DTWD2: variants seen among roughly 807,000 people sequenced by gnomAD.
The protein encoded by DTWD2 is tRNA-uridine aminocarboxypropyltransferase 2.
In DTWD2, 39 loss-of-function variants were observed where a neutral mutation model predicts 31.8. That is an observed-to-expected ratio of 1.22 (90% CI 0.95 to 1.60). The LOEUF is 1.60. DTWD2 is among the 40% of genes most tolerant of loss of function. The probability of loss-of-function intolerance (pLI) is 0.00; values close to 1 mark genes in which losing one functional copy is unlikely to be tolerated. For missense variants in DTWD2, 515 were observed against 381.5 expected, an observed-to-expected ratio of 1.35 and a Z score of -2.92; for synonymous variants, 180 against 142.8, an observed-to-expected ratio of 1.26 and a Z score of -1.86.
At chr5:118,872,712 A>G (rs766783126) in intron 4 of DTWD2, among the ~76,000 whole-genome samples, 1 of 152,246 alleles carries the variant, frequency 6.6e-6, no homozygotes, top group Non-Finnish European at 1.5e-5. Flanking sequence ...AAAGTTTGAA[A>G]CATTGTAAGA....
intron 4 of DTWD2, among the ~76,000 whole-genome samples, chr5:118,860,138 T>C (rs1335386188): frequency 6.7e-6 from 1 of 150,336 alleles, no homozygotes; most frequent in African/African-American, 2.4e-5. Flanking sequence ...AATAAAAATA[T>C]ATATAAATAT....
intron 4 of DTWD2, among the ~76,000 whole-genome samples, chr5:118,852,359 GAGATTAAAGTAAGACAGGTGTAAGAAAT>G (rs1166666369): frequency 6.6e-6 from 1 of 151,854 alleles, no homozygotes; most frequent in Non-Finnish European, 1.5e-5. Flanking sequence ...AGAGGATTAA[GAGATTAAAGTAAGACAGGTGTAAGAAAT>G]TATAAGAGTA....
chr5:118,974,290 C>T (rs997995763), intron 1 of DTWD2, among the ~76,000 whole-genome samples: 10 of 152,032 alleles, frequency 6.6e-5, no homozygotes, highest in African/African-American at 2.4e-4. Context: ...CACCACCCAA[C>T]CCAAACCATG....
At chr5:118,896,232 T>A (rs551858974) in intron 4 of DTWD2, among the ~76,000 whole-genome samples, 2 of 152,302 alleles carry the variant, frequency 1.3e-5, no homozygotes, top group African/African-American at 4.8e-5. Flanking sequence ...GAAACACTTC[T>A]AATCACAGGT....
intron 1 of DTWD2, among the ~76,000 whole-genome samples, chr5:118,963,046 AGAG>A (rs1490565955): frequency 6.6e-6 from 1 of 152,260 alleles, no homozygotes; most frequent in Non-Finnish European, 1.5e-5. Flanking sequence ...GAGGGTCTAA[AGAG>A]GATCCAGAAG....
At chr5:118,868,838 TAA>T (rs758949446) in intron 4 of DTWD2, among the ~76,000 whole-genome samples, 22 of 107,826 alleles carry the variant, frequency 2.0e-4, no homozygotes, top group African/African-American at 3.5e-4. Flanking sequence ...CCCTGTCTCT[TAA>T]AAAAAAAAAA....
chr5:118,973,724 C>T, intron 1 of DTWD2: 2 of 1,572,496 alleles, frequency 1.3e-6, no homozygotes, highest in Non-Finnish European at 1.7e-6. Flanking sequence ...ACTCCGGCAG[C>T]TTTATCGCCA....
intron 4 of DTWD2, among the ~76,000 whole-genome samples, chr5:118,901,190 T>A (rs1283452046): frequency 1.3e-5 from 2 of 152,120 alleles, no homozygotes; most frequent in Non-Finnish European, 2.9e-5. Context: ...CCTGTATTTT[T>A]TGGTAGTCAC....
intron 2 of DTWD2, among the ~76,000 whole-genome samples, chr5:118,940,434 G>A (rs1175807301): frequency 6.6e-6 from 1 of 152,140 alleles, no homozygotes; most frequent in East Asian, 1.9e-4. Flanking sequence ...AAATGCCACA[G>A]TTGTTCCCAG....
chr5:118,920,637 A>G (rs1031386644), intron 4 of DTWD2, among the ~76,000 whole-genome samples: 1 of 152,168 alleles, frequency 6.6e-6, no homozygotes, highest in African/African-American at 2.4e-5. Flanking sequence ...TGAAATCACA[A>G]TTTCAAAAAT....
rs187505214 is a variant in DTWD2, at chr5:118,917,168, G to A, written c.597+11369C>T. ...GAGATAGACAAGAAATCTCAAATTC[G>A]GGTTTAAGTTAACTGCTGATGTGCT... On this transcript the variant is annotated intron_variant, in intron 4 of 5. Transcript: ENST00000510708. 6.3e-3 allele frequency among the ~76,000 whole-genome samples: 963 copies of A among 152,198 alleles called. 4 individuals are homozygous for A. Among genetic ancestry groups the A allele is most frequent in the Middle Eastern group, 0.024 (7 of 294 alleles).
At chr5:118,866,009 T>C (rs949506214) in intron 4 of DTWD2, among the ~76,000 whole-genome samples, 10 of 150,408 alleles carry the variant, frequency 6.6e-5, no homozygotes, top group Non-Finnish European at 1.3e-4. Flanking sequence ...TGTGTGTGTG[T>C]GTGTGTGTGT....
Position 118,857,607 on chromosome 5 carries a change from GA to G in DTWD2, c.598-9390del, listed in dbSNP as rs370950400. Among the ~76,000 whole-genome samples, 245 of 152,208 alleles carry G rather than the reference GA, an allele frequency of 1.6e-3. 3 individuals carry two copies. The highest frequency in any genetic ancestry group is 5.4e-3 in the African/African-American group (225 of 41,526). On this transcript the variant is annotated intron_variant, in intron 4 of 5. Transcript: ENST00000510708. Reference sequence around the variant, plus strand: ...TCACTCTACTGTCTTTTGATGACTAGAAGTTATTGATTTTAATGAAACATAA... The same window carrying G: ...TCACTCTACTGTCTTTTGATGACTAGAGTTATTGATTTTAATGAAACATAA...
intron 4 of DTWD2, among the ~76,000 whole-genome samples, chr5:118,920,449 A>C (rs1753676500): frequency 6.6e-6 from 1 of 152,268 alleles, no homozygotes; most frequent in South Asian, 2.1e-4. Context: ...TGGGTAGGGA[A>C]GTACAGGTGT....
At chr5:118,972,312 TACAA>T (rs747794915) in intron 1 of DTWD2, among the ~76,000 whole-genome samples, 2 of 151,924 alleles carry the variant, frequency 1.3e-5, no homozygotes, top group Non-Finnish European at 1.5e-5. Context: ...CACACAGAAA[TACAA>T]ACAATCATCA....
At chr5:118,982,827 T>A (rs1423945184) in intron 1 of DTWD2, among the ~76,000 whole-genome samples, 1 of 151,850 alleles carries the variant, frequency 6.6e-6, no homozygotes, top group African/African-American at 2.4e-5. Flanking sequence ...TAGCTGGGAT[T>A]ACAGGCACTC....
chr5:118,873,155 C>T (rs905659066), intron 4 of DTWD2, among the ~76,000 whole-genome samples: 3 of 152,334 alleles, frequency 2.0e-5, no homozygotes, highest in African/African-American at 7.2e-5. Flanking sequence ...GCAGGAAAAG[C>T]TGCTTAGAGA....
At chr5:118,873,466 C>G (rs1254962055) in intron 4 of DTWD2, among the ~76,000 whole-genome samples, 1 of 152,200 alleles carries the variant, frequency 6.6e-6, no homozygotes, top group Admixed American at 6.5e-5. Context: ...AGAGCTTCAG[C>G]AGGGCGGCTC....
At chr5:118,876,781 C>T (rs926194429) in intron 4 of DTWD2, among the ~76,000 whole-genome samples, 1 of 152,202 alleles carries the variant, frequency 6.6e-6, no homozygotes, top group African/African-American at 2.4e-5. Flanking sequence ...GGATTCACAG[C>T]TGAACTCTGC....
Sources: allele counts gnomAD v4.1 joint callset (sites outside exome capture counted in the v4.1 genomes callset), GRCh38; gene constraint gnomAD v4.1.1; transcripts MANE v1.5; gene names NCBI Gene and HGNC (gene_info 2026-07-23, HGNC 2026-07-21).